PALS1: variants seen among roughly 807,000 people sequenced by gnomAD.
The protein encoded by PALS1 is protein associated with LIN7 1, MAGUK p55 family member.
PALS1 carries 31 observed loss-of-function variants against 78.9 expected under a neutral mutation model. The observed-to-expected ratio is 0.39, with a 90% confidence interval of 0.30 to 0.53. The LOEUF (loss-of-function observed/expected upper bound fraction) is 0.53, where lower values mean the gene tolerates loss of function less well. Among genes scored for constraint, PALS1 ranks in the 20% least tolerant of loss-of-function variants. PALS1 has a pLI of 0.67. For synonymous variants in PALS1, 276 were observed against 270.9 expected (o/e 1.02, Z -0.18); for missense variants, 704 against 826.5 (o/e 0.85, Z 1.82).
At chr14:67,305,036 G>T (rs17104224) in intron 8 of PALS1, among the ~76,000 whole-genome samples, 1 of 151,996 alleles carries the variant, frequency 6.6e-6, no homozygotes, top group African/African-American at 2.4e-5. Flanking sequence ...TATGTTTACA[G>T]TTTTTTTGCA....
At chr14:67,314,643 C>G (rs1023640805) in intron 9 of PALS1, among the ~76,000 whole-genome samples, 1 of 152,148 alleles carries the variant, frequency 6.6e-6, no homozygotes, top group Non-Finnish European at 1.5e-5. Flanking sequence ...GAACTTTAGC[C>G]CATAAATGTT....
At chr14:67,264,524 G>T (rs1381909573) in intron 1 of PALS1, among the ~76,000 whole-genome samples, 1 of 152,032 alleles carries the variant, frequency 6.6e-6, no homozygotes, top group Non-Finnish European at 1.5e-5. Flanking sequence ...TTAAGTTTTT[G>T]AATCCATTTT....
chr14:67,277,579 T>G (rs1470664829), intron 2 of PALS1, among the ~76,000 whole-genome samples: 1 of 152,032 alleles, frequency 6.6e-6, no homozygotes, highest in Non-Finnish European at 1.5e-5. Flanking sequence ...TTTATTACTG[T>G]AAATATTATT....
At chr14:67,258,233 T>C (rs971363437) in intron 1 of PALS1, among the ~76,000 whole-genome samples, 4 of 152,020 alleles carry the variant, frequency 2.6e-5, no homozygotes, top group Non-Finnish European at 4.4e-5. Flanking sequence ...AAGGTACTCA[T>C]CCATAAAAAT....
chr14:67,329,875 TAAATA>T (rs1566586534), intron 14 of PALS1, among the ~76,000 whole-genome samples: 9,560 of 118,426 alleles, frequency 0.081, 497 homozygotes, highest in African/African-American at 0.22. Context: ...AATAAATAAA[TAAATA>T]GATATAGAAA....
chr14:67,266,706 T>C (rs944208253), intron 1 of PALS1, among the ~76,000 whole-genome samples: 1 of 152,238 alleles, frequency 6.6e-6, no homozygotes, highest in Non-Finnish European at 1.5e-5. Context: ...CATTCATTGT[T>C]GGAAACTTAA....
At chr14:67,255,977 C>T (rs2084139175) in intron 1 of PALS1, among the ~76,000 whole-genome samples, 1 of 152,198 alleles carries the variant, frequency 6.6e-6, no homozygotes. Context: ...AGTTGTGAGC[C>T]TCTGTGCTCA....
chr14:67,244,043 T>C (rs146042844), intron 1 of PALS1, among the ~76,000 whole-genome samples: 1 of 152,342 alleles, frequency 6.6e-6, no homozygotes, highest in Non-Finnish European at 1.5e-5. Context: ...TGTCTCATTG[T>C]TAGATAAACC....
At chr14:67,245,739 A>G (rs1716372666) in intron 1 of PALS1, among the ~76,000 whole-genome samples, 2 of 152,302 alleles carry the variant, frequency 1.3e-5, no homozygotes, top group East Asian at 1.9e-4. Flanking sequence ...CATAACTTCT[A>G]TACTTCATTA....
intron 9 of PALS1, among the ~76,000 whole-genome samples, chr14:67,314,071 C>T (rs1029367331): frequency 2.6e-5 from 4 of 151,826 alleles, no homozygotes; most frequent in Non-Finnish European, 5.9e-5. Context: ...CTTTTATCTA[C>T]AACCTTTTTT....
chr14:67,333,039 T>G lies in PALS1; in HGVS notation c.*83T>G. On this transcript the variant is annotated 3_prime_UTR_variant, in exon 15 of 15. Transcript: ENST00000261681. ...GGACTGCCCGACACTGCAGCAAGAT[T>G]GAGGATAAGATGGAAGGCAGCAGTA... is the stretch of plus-strand genomic sequence containing the variant. 2 of 1,250,766 alleles carry G rather than the reference T, an allele frequency of 1.6e-6. No homozygotes were observed. The highest frequency in any genetic ancestry group is 2.3e-6 in the Non-Finnish European group (2 of 885,474). The allele number at this position is 1,250,766 out of a possible 1,614,324, so 77.5% of individuals were successfully genotyped here.
At chr14:67,274,602 C>T (rs572537147) in intron 2 of PALS1, among the ~76,000 whole-genome samples, 38 of 152,222 alleles carry the variant, frequency 2.5e-4, no homozygotes, top group Admixed American at 1.5e-3. Flanking sequence ...CTTGGCAATG[C>T]GGGCTCTTTT....
At chr14:67,330,523 A>G (rs992837211) in intron 14 of PALS1, among the ~76,000 whole-genome samples, 3 of 136,444 alleles carry the variant, frequency 2.2e-5, no homozygotes, top group South Asian at 2.2e-4. Flanking sequence ...CAGTGGCACT[A>G]TCTCTGCTCA....
intron 3 of PALS1, among the ~76,000 whole-genome samples, chr14:67,282,137 G>A (rs1342044065): frequency 6.6e-6 from 1 of 152,110 alleles, no homozygotes; most frequent in Non-Finnish European, 1.5e-5. Flanking sequence ...GTTTGCTATT[G>A]TCAGTCATAG....
At chr14:67,283,201 G>A (rs2084628262) in intron 3 of PALS1, among the ~76,000 whole-genome samples, 1 of 152,084 alleles carries the variant, frequency 6.6e-6, no homozygotes, top group Non-Finnish European at 1.5e-5. Flanking sequence ...GATGAATAAA[G>A]CTAAAGAACA....
chr14:67,330,070 A>ATT (rs139559462), intron 14 of PALS1, among the ~76,000 whole-genome samples: 4,595 of 150,652 alleles, frequency 0.031, 89 homozygotes, highest in Non-Finnish European at 0.036. Flanking sequence ...AAGAGAGAAT[A>ATT]TATGCCAGAC....
At chr14:67,280,654 T>C (rs952709241) in intron 3 of PALS1, among the ~76,000 whole-genome samples, 1 of 152,214 alleles carries the variant, frequency 6.6e-6, no homozygotes, top group African/African-American at 2.4e-5. Flanking sequence ...TGGAAACCGG[T>C]ATCCAGCCTG....
intron 1 of PALS1, among the ~76,000 whole-genome samples, chr14:67,268,276 G>T (rs1473698393): frequency 6.6e-6 from 1 of 152,034 alleles, no homozygotes; most frequent in African/African-American, 2.4e-5. Context: ...TTATTTCATT[G>T]TGTATTTTTT....
intron 9 of PALS1, among the ~76,000 whole-genome samples, chr14:67,314,381 A>C (rs1234823145): frequency 6.6e-6 from 1 of 152,214 alleles, no homozygotes; most frequent in Non-Finnish European, 1.5e-5. Context: ...TTTTGAGTAT[A>C]AGGTCACAGA....
Sources: allele counts gnomAD v4.1 joint callset (sites outside exome capture counted in the v4.1 genomes callset), GRCh38; gene constraint gnomAD v4.1.1; transcripts MANE v1.5; gene names NCBI Gene and HGNC (gene_info 2026-07-23, HGNC 2026-07-21).